Variants in LGR6 observed in about 807,000 individuals in gnomAD.
LGR6 encodes the protein leucine-rich repeat-containing G protein-coupled receptor 6.
A neutral mutation model predicts 69.4 loss-of-function variants in LGR6; 45 were observed. That is an observed-to-expected ratio of 0.65 (90% CI 0.51 to 0.83). LGR6 has a LOEUF of 0.83. Among genes scored for constraint, LGR6 ranks in the 40% least tolerant of loss-of-function variants. The pLI is 0.00. For synonymous variants in LGR6, 538 were observed against 555.0 expected (o/e 0.97, Z 0.43); for missense variants, 1,108 against 1,246.7 (o/e 0.89, Z 1.68).
At chr1:202,250,626 A>C (rs1017608624) in intron 4 of LGR6, among the ~76,000 whole-genome samples, 1 of 151,996 alleles carries the variant, frequency 6.6e-6, no homozygotes, top group African/African-American at 2.4e-5. Context: ...GGCTGGTCTC[A>C]AACTCCTGAC....
intron 5 of LGR6, among the ~76,000 whole-genome samples, chr1:202,279,790 C>T (rs1348536063): frequency 1.3e-5 from 2 of 152,134 alleles, no homozygotes; most frequent in Admixed American, 6.5e-5. Context: ...GTTTTCTCTC[C>T]GACACCAATT....
intron 4 of LGR6, among the ~76,000 whole-genome samples, chr1:202,253,646 T>G (rs1663481499): frequency 7.4e-6 from 1 of 135,802 alleles, no homozygotes; most frequent in Non-Finnish European, 1.6e-5. Context: ...TTTTTTTTTT[T>G]GAGACGAAGT....
At chr1:202,205,731 A>AAC (rs776343468) in intron 1 of LGR6, among the ~76,000 whole-genome samples, 20 of 140,762 alleles carry the variant, frequency 1.4e-4, no homozygotes, top group South Asian at 9.3e-4. Context: ...ACCTTCTTCA[A>AAC]ACACACACAC....
At chr1:202,209,787 C>A (rs532561714) in intron 1 of LGR6, among the ~76,000 whole-genome samples, 1 of 152,296 alleles carries the variant, frequency 6.6e-6, no homozygotes, top group African/African-American at 2.4e-5. Flanking sequence ...AGGCCTCAAC[C>A]CTGACCTACT....
Position 202,319,400 on chromosome 1 carries a change from C to G in LGR6, c.*193C>G. On this transcript the variant is annotated 3_prime_UTR_variant, in exon 18 of 18. Transcript: ENST00000367278. ...ACGGGTGCCTCTTGGCCTGGCTTTCCCTTGGCCTTCCTCAGCTTCACCTTG... is the reference window on the plus strand; with the variant it reads ...ACGGGTGCCTCTTGGCCTGGCTTTCGCTTGGCCTTCCTCAGCTTCACCTTG... The G allele has an allele frequency of 1.7e-6, 1 of 580,706 alleles. No individual in the cohort carries two copies. Among genetic ancestry groups the G allele is most frequent in the Non-Finnish European group, 2.9e-6 (1 of 342,706 alleles). The allele number at this position is 580,706 out of a possible 1,614,324, so 36.0% of individuals were successfully genotyped here.
At position 202,318,376 on chromosome 1, in the gene LGR6, AG is replaced by A; in HGVS notation, c.2075del (p.Gly692AlafsTer46). ...SLGSVRAGVLGCLALAGLAAA... is the reference protein window; with the variant it reads ...SLGSVRAGVLXCLALAGLAAA... ...TGGGCAGCGTTCGAGCAGGGGTCCTAGGCTGCCTGGCACTGGCAGGGCTGGC... is the reference window on the plus strand; with the variant it reads ...TGGGCAGCGTTCGAGCAGGGGTCCTAGCTGCCTGGCACTGGCAGGGCTGGC... On this transcript the variant is annotated frameshift_variant, in exon 18 of 18. Transcript: ENST00000367278. LOFTEE classifies it low-confidence loss of function (END_TRUNC). The A allele has an allele frequency of 6.2e-7, 1 of 1,604,378 alleles. No homozygotes were observed. Among genetic ancestry groups the A allele is most frequent in the Non-Finnish European group, 8.5e-7 (1 of 1,175,300 alleles).
intron 4 of LGR6, among the ~76,000 whole-genome samples, chr1:202,258,528 C>G (rs1663970330): frequency 6.6e-6 from 1 of 151,328 alleles, no homozygotes; most frequent in East Asian, 1.9e-4. Flanking sequence ...TGACTCATTT[C>G]TTGTTAGAAT....
At chr1:202,308,992 G>A (rs1653493707) in intron 14 of LGR6, 59 bp from the exon 15 acceptor site, 3 of 1,600,668 alleles carry the variant, frequency 1.9e-6, no homozygotes, top group East Asian at 2.2e-5. Flanking sequence ...TCTCAGCACA[G>A]CCCTGCCCCC....
chr1:202,235,861 C>A, intron 3 of LGR6, 61 bp from the exon 4 acceptor site: 1 of 1,474,966 alleles, frequency 6.8e-7, no homozygotes, highest in Non-Finnish European at 9.5e-7. Context: ...GAGGAGTCAG[C>A]ACCCTCCAGC....
chr1:202,304,569 C>A lies in LGR6; in HGVS notation c.1009C>A (p.Arg337Ser), dbSNP rs762462851. Residue 337 changes from arginine to serine, a missense_variant, in exon 11 of 18, where the codon CGC becomes AGC. Physicochemically the swap from Arg to Ser is moderately radical, Grantham distance 110. Transcript: ENST00000367278. ...CTGTTCTCCCTGCAGGACCCTGACC[C>A]GCGCAGGCATCCGGCTGCTCCCATC... is the stretch of plus-strand genomic sequence containing the variant. ...TTSLEILTLT[R>S]AGIRLLPSGM... The A allele has an allele frequency of 3.7e-6, 6 of 1,608,904 alleles. No individual in the cohort carries two copies. The highest frequency in any genetic ancestry group is 1.6e-4 in the Middle Eastern group (1 of 6,062).
intron 5 of LGR6, among the ~76,000 whole-genome samples, chr1:202,278,191 G>T (rs1225891181): frequency 6.6e-6 from 1 of 152,210 alleles, no homozygotes; most frequent in Non-Finnish European, 1.5e-5. Context: ...AGACAGGAAG[G>T]TCAGTTCAGA....
chr1:202,273,344 C>T (rs925743004), intron 4 of LGR6, among the ~76,000 whole-genome samples: 1 of 152,194 alleles, frequency 6.6e-6, no homozygotes, highest in African/African-American at 2.4e-5. Flanking sequence ...TGTTAATTTA[C>T]CCATTAGGAA....
chr1:202,234,805 T>C (rs1661385663), intron 3 of LGR6, among the ~76,000 whole-genome samples: 1 of 152,134 alleles, frequency 6.6e-6, no homozygotes, highest in African/African-American at 2.4e-5. Flanking sequence ...AAGCGTGGAA[T>C]TACCTTAATG....
Position 202,318,769 on chromosome 1 carries a change from C to G in LGR6, c.2466C>G (p.Leu822=). Residue 822 remains leucine, a synonymous_variant, in exon 18 of 18, where the codon CTC becomes CTG. Transcript: ENST00000367278. ...LLVVLPLPAC[L]NPLLYLLFNP... is the part of the protein sequence containing the mutation. ...TGGTGCTGCCCCTGCCTGCCTGCCT[C>G]AACCCACTGCTGTACCTGCTCTTCA... 6.2e-7 allele frequency: 1 copy of G among 1,613,756 alleles called. No homozygotes were observed. The highest frequency in any genetic ancestry group is 8.5e-7 in the Non-Finnish European group (1 of 1,180,032).
intron 1 of LGR6, among the ~76,000 whole-genome samples, chr1:202,205,374 A>AAACCTCCTTCAAACG (rs1659140306): frequency 1.7e-4 from 2 of 11,658 alleles, no homozygotes. Flanking sequence ...CTCCAAACAC[A>AAACCTCCTTCAAACG]CACACCTCAC....
chr1:202,314,713 A>C (rs1466666765), intron 16 of LGR6, 89 bp from the exon 17 acceptor site: 3 of 871,052 alleles, frequency 3.4e-6, no homozygotes, highest in Admixed American at 1.7e-5. Context: ...TTAGTAAGGG[A>C]CATCTTAAAG....
chr1:202,274,080 G>A (rs1166471839), intron 4 of LGR6, among the ~76,000 whole-genome samples: 4 of 152,116 alleles, frequency 2.6e-5, no homozygotes, highest in African/African-American at 9.7e-5. Flanking sequence ...GAAAGCGGGA[G>A]GTGAGAGCCC....
intron 11 of LGR6, 117 bp downstream of exon 11, chr1:202,304,747 G>GCTGCTC: frequency 5.5e-6 from 4 of 723,538 alleles, no homozygotes; most frequent in African/African-American, 1.7e-5. Context: ...GAATGGAGCA[G>GCTGCTC]CATAGGCTCC....
At chr1:202,283,636 T>C (rs1327507293) in intron 6 of LGR6, among the ~76,000 whole-genome samples, 1 of 152,150 alleles carries the variant, frequency 6.6e-6, no homozygotes, top group Admixed American at 6.5e-5. Context: ...CCCCCAGCCA[T>C]ACCACCTGGG....
Sources: gnomAD v4.1 joint callset for allele counts (sites outside exome capture counted in the v4.1 genomes callset) on GRCh38, gnomAD v4.1.1 for gene constraint, MANE v1.5 for transcripts, NCBI Gene and HGNC (gene_info 2026-07-23, HGNC 2026-07-21) for gene names.